HLCS: variants seen among roughly 807,000 people sequenced by gnomAD.
HLCS encodes biotin--protein ligase.
A neutral mutation model predicts 75.0 loss-of-function variants in HLCS; 53 were observed. The ratio of observed to expected loss-of-function variants is 0.71; its 90% CI spans 0.57 to 0.89. The LOEUF is 0.89. HLCS is among the 40% of genes least tolerant of loss of function. The pLI is 0.00. For missense variants in HLCS, 966 were observed against 1,074.0 expected (o/e 0.90, Z 1.41); for synonymous variants, 431 against 428.6 (o/e 1.01, Z -0.07).
chr21:36,966,058 C>A lies in HLCS; in HGVS notation c.195+386G>T, dbSNP rs570144668. 6.6e-5 allele frequency among the ~76,000 whole-genome samples: 10 copies of A among 152,378 alleles called. No individual in the cohort carries two copies. In the East Asian group the frequency reaches 1.9e-3, roughly 29 times the overall value. ...TACAGGCATAAGCCACCGCTCCCGG[C>A]CCGCCACAGCTGTCTCTCCTGGTTC... On this transcript the variant is annotated intron_variant, in intron 1 of 10. Transcript: ENST00000674895.
At chr21:36,984,724 C>T (rs979163004) in intron 1 of HLCS, among the ~76,000 whole-genome samples, 1 of 152,154 alleles carries the variant, frequency 6.6e-6, no homozygotes, top group Admixed American at 6.5e-5. Flanking sequence ...GGGGTGATGG[C>T]TGCACTCAAA....
intron 6 of HLCS, among the ~76,000 whole-genome samples, chr21:36,871,023 A>G (rs965547347): frequency 6.6e-6 from 1 of 152,176 alleles, no homozygotes; most frequent in African/African-American, 2.4e-5. Flanking sequence ...GCTGCTAATT[A>G]TATCTTTTCT....
At chr21:36,755,270 A>G (rs2089519016) in intron 10 of HLCS, among the ~76,000 whole-genome samples, 1 of 151,932 alleles carries the variant, frequency 6.6e-6, no homozygotes, top group African/African-American at 2.4e-5. Context: ...GCCGTGTGGC[A>G]CACTCCTATT....
chr21:36,922,664 T>C (rs1420528461), intron 5 of HLCS, among the ~76,000 whole-genome samples: 2 of 152,184 alleles, frequency 1.3e-5, no homozygotes, highest in African/African-American at 2.4e-5. Context: ...AAAATCCTCC[T>C]GGTGCTGCCC....
intron 6 of HLCS, among the ~76,000 whole-genome samples, chr21:36,887,313 G>A (rs1243033928): frequency 6.6e-6 from 1 of 152,104 alleles, no homozygotes; most frequent in Non-Finnish European, 1.5e-5. Flanking sequence ...CAACATCAAC[G>A]CTGAGAGGAC....
At position 36,884,153 on chromosome 21, in the gene HLCS, C is replaced by T. The variant is rs112521411; in HGVS notation, c.1892+12707G>A. On this transcript the variant is annotated intron_variant, in intron 6 of 10. Transcript: ENST00000674895. Reference sequence around the variant, plus strand: ...TTATTTATATCCCCTTGTTATCTAACGTAAGCTTTCAGGCACCAGATAAAA... The same window carrying T: ...TTATTTATATCCCCTTGTTATCTAATGTAAGCTTTCAGGCACCAGATAAAA... Among the ~76,000 whole-genome samples the T allele has an allele frequency of 6.6e-3, 1,010 of 152,308 alleles. 11 individuals are homozygous for T. The highest frequency in any genetic ancestry group is 0.019 in the African/African-American group (770 of 41,564).
At chr21:36,787,475 C>G (rs12627271) in intron 6 of HLCS, among the ~76,000 whole-genome samples, 13,031 of 152,198 alleles carry the variant, frequency 0.086, 603 homozygotes, top group Middle Eastern at 0.11. Context: ...GGACCCTAAC[C>G]CTTCACTGCC....
intron 6 of HLCS, among the ~76,000 whole-genome samples, chr21:36,855,845 T>G (rs2063173673): frequency 6.6e-6 from 1 of 152,220 alleles, no homozygotes; most frequent in South Asian, 2.1e-4. Flanking sequence ...CCCAAAGTGC[T>G]GGGATTACAG....
intron 6 of HLCS, among the ~76,000 whole-genome samples, chr21:36,893,135 A>G (rs1224153849): frequency 1.3e-5 from 2 of 151,816 alleles, no homozygotes; most frequent in African/African-American, 4.8e-5. Context: ...CAATGGCGCG[A>G]TCTTGGCTCA....
At chr21:36,942,177 A>G (rs562706593) in intron 2 of HLCS, among the ~76,000 whole-genome samples, 110 of 152,190 alleles carry the variant, frequency 7.2e-4, no homozygotes, top group African/African-American at 2.6e-3. Context: ...CAGTCTCAAA[A>G]AAAACCTATT....
At position 36,785,098 on chromosome 21, in the gene HLCS, C is replaced by A. The variant is rs184865500; in HGVS notation, c.1893-17813G>T. On this transcript the variant is annotated intron_variant, in intron 6 of 10. Transcript: ENST00000674895. ...TGACAAGGAAGAATGCCCTGCCCTG[C>A]CAGCTGGCCTGAAAACCAGTGTGCC... Among the ~76,000 whole-genome samples, 119 of 152,210 alleles carry A rather than the reference C, an allele frequency of 7.8e-4. 2 individuals carry two copies. Among genetic ancestry groups the A allele is most frequent in the Middle Eastern group, 6.8e-3 (2 of 294 alleles).
intron 5 of HLCS, among the ~76,000 whole-genome samples, chr21:36,911,697 C>T (rs548518597): frequency 3.7e-4 from 53 of 144,440 alleles, no homozygotes; most frequent in East Asian, 1.6e-3. Flanking sequence ...TGCAGTGAGC[C>T]GAGATCGCGC....
In HLCS at chr21:36,873,102, A is replaced by T. The variant is rs183138515; in HGVS notation, c.1892+23758T>A. Among the ~76,000 whole-genome samples the T allele has an allele frequency of 2.5e-3, 376 of 151,630 alleles. 2 individuals are homozygous for T. The highest frequency in any genetic ancestry group is 4.1e-3 in the Non-Finnish European group (278 of 67,936). ...ATTGTTAAGGATTATTACACTTATT[A>T]TACTGCTGGCATTCTTCTTTTTTTT... On this transcript the variant is annotated intron_variant, in intron 6 of 10. Transcript: ENST00000674895.
chr21:36,939,372 C>T (rs1480069397), intron 2 of HLCS, among the ~76,000 whole-genome samples: 2 of 152,154 alleles, frequency 1.3e-5, no homozygotes, highest in Non-Finnish European at 2.9e-5. Flanking sequence ...TTCAATGTAA[C>T]CTGTGGACCC....
chr21:36,849,995 G>A (rs959713155), intron 6 of HLCS, among the ~76,000 whole-genome samples: 6 of 152,140 alleles, frequency 3.9e-5, no homozygotes, highest in African/African-American at 1.4e-4. Flanking sequence ...ACTTGATTTT[G>A]TTCCTTTCAA....
At chr21:36,965,948 G>C (rs890461969) in intron 1 of HLCS, among the ~76,000 whole-genome samples, 24 of 148,582 alleles carry the variant, frequency 1.6e-4, no homozygotes, top group Non-Finnish European at 3.4e-4. Context: ...TTTGTAGAGA[G>C]GGGTCTAGCT....
intron 6 of HLCS, among the ~76,000 whole-genome samples, chr21:36,806,958 C>G (rs151123285): frequency 6.6e-6 from 1 of 152,334 alleles, no homozygotes; most frequent in East Asian, 1.9e-4. Flanking sequence ...CCAACCTCAT[C>G]TGTAGTCTGC....
At chr21:36,757,353 G>C (rs1316346243) in intron 9 of HLCS, among the ~76,000 whole-genome samples, 1 of 152,076 alleles carries the variant, frequency 6.6e-6, no homozygotes, top group East Asian at 1.9e-4. Flanking sequence ...CTTTTTGCAG[G>C]GTCCTAAACC....
chr21:36,989,362 C>G (rs1423914009), intron 1 of HLCS, among the ~76,000 whole-genome samples: 1 of 132,690 alleles, frequency 7.5e-6, no homozygotes, highest in Non-Finnish European at 1.5e-5. Flanking sequence ...TCGCTCTTGT[C>G]GTCCAGGCTG....
Sources: allele counts gnomAD v4.1 joint callset (sites outside exome capture counted in the v4.1 genomes callset), GRCh38; gene constraint gnomAD v4.1.1; transcripts MANE v1.5; gene names NCBI Gene and HGNC (gene_info 2026-07-23, HGNC 2026-07-21).